GPHN: variants seen among roughly 807,000 people sequenced by gnomAD.
The protein encoded by GPHN is gephyrin.
In GPHN, 17 loss-of-function variants were observed where a neutral mutation model predicts 95.5. The ratio of observed to expected loss-of-function variants is 0.18; its 90% CI spans 0.12 to 0.27. The LOEUF is 0.27. Ranked by LOEUF, GPHN falls within the 10% of genes least tolerant of loss-of-function variation. The pLI is 1.00. For synonymous variants in GPHN, 320 were observed against 322.5 expected (o/e 0.99, Z 0.08); for missense variants, 660 against 978.1 (o/e 0.67, Z 4.34).
At chr14:67,175,896 T>C (rs2082913068) in intron 21 of GPHN, among the ~76,000 whole-genome samples, 1 of 152,224 alleles carries the variant, frequency 6.6e-6, no homozygotes, top group African/African-American at 2.4e-5. Flanking sequence ...TATTGGTGTA[T>C]ACGAATGCTT....
chr14:67,175,985 G>A (rs1035340451), intron 21 of GPHN, among the ~76,000 whole-genome samples: 10 of 152,156 alleles, frequency 6.6e-5, no homozygotes, highest in Non-Finnish European at 1.5e-4. Context: ...GGCTGAGACA[G>A]TGGGGTTTTC....
chr14:66,514,740 A>G (rs2058172868), intron 1 of GPHN, among the ~76,000 whole-genome samples: 1 of 152,144 alleles, frequency 6.6e-6, no homozygotes, highest in Non-Finnish European at 1.5e-5. Flanking sequence ...GCAATCTTAC[A>G]CTTAGGTTTC....
chr14:66,826,960 C>T (rs2061407378), intron 4 of GPHN, among the ~76,000 whole-genome samples: 1 of 152,150 alleles, frequency 6.6e-6, no homozygotes, highest in East Asian at 1.9e-4. Context: ...CACCCTAAGT[C>T]GTCTCATTAG....
chr14:66,823,191 G>A (rs982953892), intron 3 of GPHN: 2 of 152,118 alleles, frequency 1.3e-5, no homozygotes, highest in African/African-American at 4.8e-5. Context: ...TAGTAGAGAT[G>A]GAGTTTTGCC....
At chr14:66,664,566 A>C (rs1174884257) in intron 1 of GPHN, among the ~76,000 whole-genome samples, 1 of 152,200 alleles carries the variant, frequency 6.6e-6, no homozygotes, top group Non-Finnish European at 1.5e-5. Flanking sequence ...TGTCACAATG[A>C]AAAGAACTAG....
Position 66,586,805 on chromosome 14 carries a change from A to G in GPHN, c.64+78214A>G, listed in dbSNP as rs527346281. Among the ~76,000 whole-genome samples, 6 of 152,276 alleles carry G rather than the reference A, an allele frequency of 3.9e-5. No individual in the cohort carries two copies. The South Asian group carries it at 1.2e-3, about 32-fold the overall frequency. ...TAAACACACAGATCAAAAATAAGAA[A>G]GATCCCACTAAAACAGTCTAATGCT... On this transcript the variant is annotated intron_variant, in intron 1 of 22. Transcript: ENST00000478722.
At chr14:67,321,631 C>T in the GPHN span, among the ~76,000 whole-genome samples, 1 of 152,076 alleles carries the variant, frequency 6.6e-6, no homozygotes, top group Admixed American at 6.5e-5. Flanking sequence ...ATTTACTTAG[C>T]CTGAAGGTAA....
chr14:67,727,489 T>G, the GPHN span: 3,376 of 354,742 alleles, frequency 9.5e-3, 45 homozygotes, highest in Non-Finnish European at 0.011. Flanking sequence ...TTTTTTGTTT[T>G]TTTTTTTTTG....
At chr14:67,518,968 CAGA>C in the GPHN span, among the ~76,000 whole-genome samples, 3 of 152,112 alleles carry the variant, frequency 2.0e-5, no homozygotes, top group African/African-American at 2.4e-5. Context: ...GAGGTAGAAG[CAGA>C]AGAAGCATTG....
At chr14:67,589,844 T>A in the GPHN span, 6 of 1,201,276 alleles carry the variant, frequency 5.0e-6, no homozygotes, top group East Asian at 2.1e-4. Context: ...TCAAAATTCT[T>A]AAGGTCTCCC....
At chr14:67,135,596 T>C (rs1041205379) in intron 17 of GPHN, among the ~76,000 whole-genome samples, 2 of 152,196 alleles carry the variant, frequency 1.3e-5, no homozygotes, top group African/African-American at 4.8e-5. Context: ...AACCCAATCT[T>C]CCTATTAAAT....
the GPHN span, among the ~76,000 whole-genome samples, chr14:67,325,334 T>C: frequency 6.6e-6 from 1 of 152,220 alleles, no homozygotes; most frequent in Non-Finnish European, 1.5e-5. Context: ...AGAAATGATA[T>C]ATATATATCA....
At chr14:66,947,973 A>G (rs949160834) in intron 8 of GPHN, among the ~76,000 whole-genome samples, 1 of 152,146 alleles carries the variant, frequency 6.6e-6, no homozygotes, top group African/African-American at 2.4e-5. Context: ...GAAAAAAGAA[A>G]CTTTCATGAA....
At chr14:67,517,849 T>G in the GPHN span, among the ~76,000 whole-genome samples, 1 of 152,208 alleles carries the variant, frequency 6.6e-6, no homozygotes, top group Non-Finnish European at 1.5e-5. Flanking sequence ...AAAGGCAAAA[T>G]GCAGTTCAAA....
the GPHN span, chr14:67,656,442 C>G: frequency 1.9e-6 from 3 of 1,613,276 alleles, no homozygotes; most frequent in Non-Finnish European, 2.5e-6. Flanking sequence ...TCTAACTGGT[C>G]TCGTTGTTCC....
At chr14:66,606,451 G>T (rs1158658393) in intron 1 of GPHN, among the ~76,000 whole-genome samples, 1 of 152,112 alleles carries the variant, frequency 6.6e-6, no homozygotes, top group African/African-American at 2.4e-5. Context: ...TTGCCTTGGC[G>T]ATTTGGGATC....
the GPHN span, among the ~76,000 whole-genome samples, chr14:67,658,584 G>A: frequency 3.2e-4 from 49 of 152,092 alleles, no homozygotes; most frequent in African/African-American, 1.1e-3. Context: ...GTGACAGAGC[G>A]AGACTCCGTC....
the GPHN span, chr14:67,392,469 C>G: frequency 6.9e-7 from 1 of 1,442,292 alleles, no homozygotes; most frequent in Admixed American, 1.7e-5. Context: ...ACAGAAAAGA[C>G]CCAGGCCCAG....
chr14:67,395,484 T>C, the GPHN span: 1 of 1,614,022 alleles, frequency 6.2e-7, no homozygotes, highest in Non-Finnish European at 8.5e-7. Flanking sequence ...CCTGCATGAA[T>C]AGCCCCGGTG....
Sources: allele counts gnomAD v4.1 joint callset (sites outside exome capture counted in the v4.1 genomes callset), GRCh38; gene constraint gnomAD v4.1.1; transcripts MANE v1.5; gene names NCBI Gene and HGNC (gene_info 2026-07-23, HGNC 2026-07-21).